RALYL: variants seen among roughly 807,000 people sequenced by gnomAD.
RALYL encodes RNA-binding Raly-like protein.
RALYL carries 29 observed loss-of-function variants against 35.1 expected under a neutral mutation model. The ratio of observed to expected loss-of-function variants is 0.83; its 90% CI spans 0.61 to 1.13. The LOEUF (loss-of-function observed/expected upper bound fraction) is 1.13, where lower values mean the gene tolerates loss of function less well. RALYL is among the 50% of genes most tolerant of loss of function. The probability of loss-of-function intolerance (pLI) is 0.00; values close to 1 mark genes in which losing one functional copy is unlikely to be tolerated. For synonymous variants in RALYL, 120 were observed against 127.6 expected (o/e 0.94, Z 0.40); for missense variants, 359 against 360.4 (o/e 1.00, Z 0.03).
chr8:84,648,760 C>G (rs2131480025), intron 2 of RALYL, among the ~76,000 whole-genome samples: 1 of 150,944 alleles, frequency 6.6e-6, no homozygotes, highest in East Asian at 1.9e-4. Flanking sequence ...AATTTATATT[C>G]AATGCATTAA....
intron 1 of RALYL, among the ~76,000 whole-genome samples, chr8:84,418,511 G>A (rs533608350): frequency 7.9e-5 from 12 of 152,128 alleles, no homozygotes; most frequent in African/African-American, 2.9e-4. Flanking sequence ...AAAATGAGTA[G>A]CCATGCTGTT....
chr8:84,296,226 G>A (rs1255466030), intron 1 of RALYL, among the ~76,000 whole-genome samples: 1 of 152,074 alleles, frequency 6.6e-6, no homozygotes, highest in Non-Finnish European at 1.5e-5. Context: ...ACTTCAGGGT[G>A]TATAACCACT....
intron 2 of RALYL, among the ~76,000 whole-genome samples, chr8:84,683,676 TTTTTGG>T (rs766083194): frequency 5.9e-5 from 9 of 152,002 alleles, no homozygotes; most frequent in South Asian, 4.2e-4. Flanking sequence ...TGTTGTTTTG[TTTTTGG>T]TTTTGGTTTT....
intron 1 of RALYL, among the ~76,000 whole-genome samples, chr8:84,490,079 A>ATGTGTGTG (rs143193843): frequency 0.14 from 19,869 of 144,014 alleles, 1,564 homozygotes; most frequent in South Asian, 0.24. Flanking sequence ...GCTTGCGTGC[A>ATGTGTGTG]TGTGTGTGTG....
intron 2 of RALYL, among the ~76,000 whole-genome samples, chr8:84,688,909 G>A (rs1589022344): frequency 6.6e-6 from 1 of 151,996 alleles, no homozygotes; most frequent in East Asian, 1.9e-4. Context: ...TTAAAGGGAT[G>A]TCGAAAGAAT....
At chr8:84,664,058 T>C (rs9683406) in intron 2 of RALYL, among the ~76,000 whole-genome samples, 1 of 152,122 alleles carries the variant, frequency 6.6e-6, no homozygotes, top group Non-Finnish European at 1.5e-5. Flanking sequence ...CTTAGCACCA[T>C]TTATTAAATA....
At chr8:84,368,183 A>C (rs953896794) in intron 1 of RALYL, among the ~76,000 whole-genome samples, 8 of 152,198 alleles carry the variant, frequency 5.3e-5, no homozygotes, top group Non-Finnish European at 7.3e-5. Context: ...AAGAAACATA[A>C]AAAGTACATG....
chr8:84,415,387 C>T (rs2044580263), intron 1 of RALYL, among the ~76,000 whole-genome samples: 1 of 151,884 alleles, frequency 6.6e-6, no homozygotes. Flanking sequence ...TTACAGGCGC[C>T]TGCCACGACG....
At chr8:84,887,573 G>T in intron 7 of RALYL, 31 bp from the exon 8 acceptor site, 1 of 1,579,104 alleles carries the variant, frequency 6.3e-7, no homozygotes, top group Non-Finnish European at 8.6e-7. Flanking sequence ...GCAACCCAAG[G>T]TAGTAGTCAT....
chr8:84,687,393 G>A (rs1309921935), intron 2 of RALYL, among the ~76,000 whole-genome samples: 2 of 152,016 alleles, frequency 1.3e-5, no homozygotes, highest in Non-Finnish European at 2.9e-5. Flanking sequence ...CACATCGAAT[G>A]GGAAAAAATA....
chr8:84,226,300 T>C (rs563083108), intron 1 of RALYL, among the ~76,000 whole-genome samples: 1 of 152,290 alleles, frequency 6.6e-6, no homozygotes, highest in South Asian at 2.1e-4. Flanking sequence ...CTGCCATCCA[T>C]GGAAAAATTG....
chr8:84,706,052 A>G (rs1455611842), intron 2 of RALYL: 1 of 1,535,284 alleles, frequency 6.5e-7, no homozygotes, highest in South Asian at 1.2e-5. Flanking sequence ...AAACGCAGAC[A>G]TCAGAGATGT....
chr8:84,878,620 T>G (rs1481524678), intron 7 of RALYL, among the ~76,000 whole-genome samples: 1 of 148,504 alleles, frequency 6.7e-6, no homozygotes, highest in Non-Finnish European at 1.5e-5. Context: ...AAAAAAACAC[T>G]AATACCCTCA....
At chr8:84,527,653 C>A (rs1356745778) in intron 1 of RALYL, among the ~76,000 whole-genome samples, 2 of 152,032 alleles carry the variant, frequency 1.3e-5, no homozygotes, top group Non-Finnish European at 2.9e-5. Flanking sequence ...ATTCTCAGAG[C>A]ATTTGTCTTG....
chr8:84,588,099 T>A (rs1361891301), intron 2 of RALYL, among the ~76,000 whole-genome samples: 2 of 152,100 alleles, frequency 1.3e-5, no homozygotes, highest in East Asian at 3.9e-4. Flanking sequence ...AGGTCCAGGG[T>A]GGCATCACTC....
intron 1 of RALYL, among the ~76,000 whole-genome samples, chr8:84,282,747 CGTGTGTGTGTGTGTGT>C (rs5892909): frequency 2.7e-5 from 4 of 148,686 alleles, no homozygotes; most frequent in Admixed American, 6.7e-5. Context: ...TATGTGTATG[CGTGTGTGTGTGTGTGT>C]GTGTGTGTGT....
intron 1 of RALYL, among the ~76,000 whole-genome samples, chr8:84,267,060 A>G (rs1198856388): frequency 6.6e-6 from 1 of 151,922 alleles, no homozygotes; most frequent in Non-Finnish European, 1.5e-5. Flanking sequence ...TATAAACATG[A>G]GGACTTAAGC....
chr8:84,419,706 C>T (rs958528785), intron 1 of RALYL, among the ~76,000 whole-genome samples: 2 of 119,590 alleles, frequency 1.7e-5, no homozygotes, highest in Non-Finnish European at 3.3e-5. Context: ...CTCCCCCCAC[C>T]CCACAACAGT....
chr8:84,426,146 A>T (rs2046406720), intron 1 of RALYL, among the ~76,000 whole-genome samples: 1 of 152,178 alleles, frequency 6.6e-6, no homozygotes, highest in African/African-American at 2.4e-5. Flanking sequence ...ATTATGGGAT[A>T]CATATAGATA....
Sources: allele counts gnomAD v4.1 joint callset (sites outside exome capture counted in the v4.1 genomes callset), GRCh38; gene constraint gnomAD v4.1.1; transcripts MANE v1.5; gene names NCBI Gene and HGNC (gene_info 2026-07-23, HGNC 2026-07-21).